Variants in MRAS observed in about 807,000 individuals in gnomAD.
MRAS encodes the protein ras-related protein M-Ras.
Under a neutral mutation model 20.9 loss-of-function variants are expected in MRAS, and 4 were observed. That is an observed-to-expected ratio of 0.19 (90% CI 0.09 to 0.44). The LOEUF is 0.44. Ranked by LOEUF, MRAS falls within the 20% of genes least tolerant of loss-of-function variation. The pLI is 0.99. For synonymous variants in MRAS, 98 were observed against 102.9 expected (o/e 0.95, Z 0.29); for missense variants, 154 against 277.5 (o/e 0.56, Z 3.16).
intron 4 of MRAS, among the ~76,000 whole-genome samples, chr3:138,399,946 C>T (rs1290804315): frequency 6.6e-6 from 1 of 152,196 alleles, no homozygotes; most frequent in Admixed American, 6.5e-5. Context: ...CCCTTTCGAC[C>T]GGGTGATGAT....
intron 2 of MRAS, among the ~76,000 whole-genome samples, chr3:138,379,139 A>G (rs1183967570): frequency 6.6e-6 from 1 of 151,850 alleles, no homozygotes; most frequent in Non-Finnish European, 1.5e-5. Flanking sequence ...TTCTCTTTGT[A>G]TTTCTGTACC....
chr3:138,372,231 T>G (rs996360288), intron 1 of MRAS, among the ~76,000 whole-genome samples: 3 of 152,158 alleles, frequency 2.0e-5, no homozygotes, highest in African/African-American at 7.2e-5. Context: ...TTAGCTGGCC[T>G]CAGCAGCATC....
At chr3:138,360,627 G>A (rs1429225547) in intron 1 of MRAS, among the ~76,000 whole-genome samples, 1 of 152,162 alleles carries the variant, frequency 6.6e-6, no homozygotes, top group African/African-American at 2.4e-5. Flanking sequence ...TATGTCCTTC[G>A]TGAGGCCTGC....
At chr3:138,401,309 A>G (rs1042291437) in intron 5 of MRAS, among the ~76,000 whole-genome samples, 1 of 152,100 alleles carries the variant, frequency 6.6e-6, no homozygotes, top group Non-Finnish European at 1.5e-5. Flanking sequence ...TGTGGCCTAT[A>G]TGCTGGCACC....
At chr3:138,396,375 C>A (rs148844998) in intron 2 of MRAS, among the ~76,000 whole-genome samples, 1 of 152,308 alleles carries the variant, frequency 6.6e-6, no homozygotes, top group East Asian at 1.9e-4. Context: ...AATCTGTAAC[C>A]ACCCGCTCCC....
intron 1 of MRAS, among the ~76,000 whole-genome samples, chr3:138,360,156 G>A (rs557567625): frequency 2.2e-4 from 33 of 152,292 alleles, no homozygotes; most frequent in African/African-American, 7.9e-4. Context: ...ACGTGCACGT[G>A]ACTTTGGGAT....
chr3:138,362,868 T>C (rs1017940392), intron 1 of MRAS, among the ~76,000 whole-genome samples: 5 of 152,098 alleles, frequency 3.3e-5, no homozygotes, highest in Admixed American at 3.3e-4. Flanking sequence ...CTGCCACTCT[T>C]ACCCCCGACA....
upstream of MRAS, chr3:138,348,167 T>A (rs999798434): frequency 6.6e-6 from 1 of 151,536 alleles, no homozygotes; most frequent in Non-Finnish European, 1.5e-5. Flanking sequence ...GCGGCGGAGG[T>A]TCGCCTAGGA....
At position 138,372,892 on chromosome 3, in the gene MRAS, C is replaced by A; in HGVS notation, c.9C>A (p.Thr3=). The A allele has an allele frequency of 6.5e-7, 1 of 1,537,052 alleles. No homozygotes were observed. The highest frequency in any genetic ancestry group is 2.6e-5 in the East Asian group (1 of 38,246). The change falls in exon 2 of 6, where the codon ACC becomes ACA. Residue 3 remains threonine, a synonymous_variant. Transcript: ENST00000423968. ...TCTGACCTACGAGAAACATGGCAAC[C>A]AGCGCCGTCCCCAGTGACAACCTCC... is the stretch of plus-strand genomic sequence containing the variant. The part of the protein sequence containing the change: MA[T]SAVPSDNLPT...
At chr3:138,396,414 C>A (rs1396963774) in intron 2 of MRAS, among the ~76,000 whole-genome samples, 1 of 152,166 alleles carries the variant, frequency 6.6e-6, no homozygotes, top group Non-Finnish European at 1.5e-5. Flanking sequence ...GAAGGTGGAT[C>A]TGGTCAGGCA....
At chr3:138,377,845 A>G (rs1042820202) in intron 2 of MRAS, among the ~76,000 whole-genome samples, 4 of 152,276 alleles carry the variant, frequency 2.6e-5, no homozygotes, top group Admixed American at 2.0e-4. Flanking sequence ...TTGAATGGGC[A>G]GAAACTGTGT....
chr3:138,385,793 G>A (rs34905952), intron 2 of MRAS, among the ~76,000 whole-genome samples: 17,940 of 152,244 alleles, frequency 0.12, 1,190 homozygotes, highest in Non-Finnish European at 0.16. Context: ...GGGGTTACAG[G>A]TGTGAGCCAC....
At chr3:138,350,213 C>G (rs1015539133) in intron 1 of MRAS, 2 of 152,148 alleles carry the variant, frequency 1.3e-5, no homozygotes, top group Non-Finnish European at 2.9e-5. Context: ...CTTCTTTTCC[C>G]GGGGAAGAAA....
chr3:138,390,208 T>C (rs1240368018), intron 2 of MRAS, among the ~76,000 whole-genome samples: 1 of 152,114 alleles, frequency 6.6e-6, no homozygotes, highest in Non-Finnish European at 1.5e-5. Flanking sequence ...CTTGCCAGCA[T>C]GTGGGGCTTG....
intron 5 of MRAS, among the ~76,000 whole-genome samples, 156 bp downstream of exon 5, chr3:138,400,769 T>C (rs1417182587): frequency 6.6e-6 from 1 of 152,192 alleles, no homozygotes; most frequent in East Asian, 1.9e-4. Context: ...TCCATTTCTT[T>C]CTTTTGCTTT....
chr3:138,394,096 T>C (rs1286014343), intron 2 of MRAS, among the ~76,000 whole-genome samples: 3 of 148,100 alleles, frequency 2.0e-5, no homozygotes, highest in African/African-American at 5.0e-5. Flanking sequence ...TTTTTTTTTT[T>C]CTAAGAAAAA....
intron 1 of MRAS, among the ~76,000 whole-genome samples, chr3:138,362,391 C>T (rs776178626): frequency 3.2e-4 from 48 of 152,166 alleles, no homozygotes; most frequent in Admixed American, 2.6e-3. Flanking sequence ...AACCCTCCCC[C>T]ACAACTTTCT....
Position 138,358,096 on chromosome 3 carries a change from A to T in MRAS, c.-19+9329A>T, listed in dbSNP as rs188058944. On this transcript the variant is annotated intron_variant, in intron 1 of 5. Coordinates refer to ENST00000423968, the MANE Select transcript of MRAS (RefSeq NM_001085049.3). Reference sequence around the variant, plus strand: ...ACGCCTGTAATCCCAGCACTTTGGGAGGCTGAGGTGGGTGGATCACTTGAG... The same window carrying T: ...ACGCCTGTAATCCCAGCACTTTGGGTGGCTGAGGTGGGTGGATCACTTGAG... Among the ~76,000 whole-genome samples, 393 of 152,270 alleles carry T rather than the reference A, an allele frequency of 2.6e-3. 5 individuals carry two copies. Among genetic ancestry groups the T allele is most frequent in the South Asian group, 0.025 (119 of 4,824 alleles).
At chr3:138,375,330 G>C (rs1490637185) in intron 2 of MRAS, among the ~76,000 whole-genome samples, 2 of 152,098 alleles carry the variant, frequency 1.3e-5, no homozygotes, top group Non-Finnish European at 1.5e-5. Flanking sequence ...TGAAATATTG[G>C]TCTATAGTTT....
Sources: allele counts gnomAD v4.1 joint callset (sites outside exome capture counted in the v4.1 genomes callset), GRCh38; gene constraint gnomAD v4.1.1; transcripts MANE v1.5; gene names NCBI Gene and HGNC (gene_info 2026-07-23, HGNC 2026-07-21).